Variants in NOX4 observed in about 807,000 individuals in gnomAD.
NOX4 encodes the protein kidney oxidase-1.
NOX4 carries 69 observed loss-of-function variants against 87.6 expected under a neutral mutation model. The observed-to-expected ratio is 0.79, with a 90% CI of 0.65 to 0.96. The LOEUF is 0.96. Among genes scored for constraint, NOX4 ranks in the 40% least tolerant of loss-of-function variants. The pLI, the probability that NOX4 is intolerant of heterozygous loss-of-function variation, is 0.00. For synonymous variants in NOX4, 275 were observed against 238.2 expected, an observed-to-expected ratio of 1.15 and a Z score of -1.42; for missense variants, 680 against 681.5, an observed-to-expected ratio of 1.00 and a Z score of 0.02.
At chr11:89,494,097 A>G (rs1364664952), upstream of NOX4, among the ~76,000 whole-genome samples, 1 of 152,138 alleles carries the variant, frequency 6.6e-6, no homozygotes, top group African/African-American at 2.4e-5. Context: ...TTCCCAAACT[A>G]GGAAAGGCCA....
chr11:89,458,876 C>T (rs1261144646), intron 2 of NOX4, among the ~76,000 whole-genome samples: 2 of 152,000 alleles, frequency 1.3e-5, no homozygotes, highest in African/African-American at 2.4e-5. Flanking sequence ...TTAGATCAGC[C>T]CCTGTGGAAA....
At chr11:89,466,164 C>T (rs1272468832) in intron 2 of NOX4, among the ~76,000 whole-genome samples, 1 of 152,136 alleles carries the variant, frequency 6.6e-6, no homozygotes, top group Non-Finnish European at 1.5e-5. Context: ...GTTGTTTAAG[C>T]TGCCTAGTCT....
At chr11:89,425,625 A>G (rs556597747) in intron 7 of NOX4, among the ~76,000 whole-genome samples, 3 of 152,068 alleles carry the variant, frequency 2.0e-5, no homozygotes, top group Admixed American at 2.0e-4. Flanking sequence ...GGTAAAATAC[A>G]TATGTATATA....
At chr11:89,571,574 C>T in the NOX4 span, among the ~76,000 whole-genome samples, 2 of 151,968 alleles carry the variant, frequency 1.3e-5, no homozygotes, top group Non-Finnish European at 2.9e-5. Flanking sequence ...GGATTACAGG[C>T]GTGAGCTACC....
At chr11:89,431,245 C>A (rs1430783343) in intron 7 of NOX4, among the ~76,000 whole-genome samples, 14 of 151,966 alleles carry the variant, frequency 9.2e-5, no homozygotes, top group South Asian at 2.1e-4. Context: ...CTAAAACCAT[C>A]AAAACCCTAG....
intron 8 of NOX4, among the ~76,000 whole-genome samples, chr11:89,404,309 T>A (rs1025006270): frequency 2.6e-5 from 4 of 152,150 alleles, no homozygotes; most frequent in African/African-American, 9.7e-5. Flanking sequence ...CCCCAAGCAT[T>A]TATTCTACTG....
chr11:89,366,404 A>G (rs1167332462), intron 12 of NOX4, among the ~76,000 whole-genome samples: 7 of 152,198 alleles, frequency 4.6e-5, no homozygotes, highest in African/African-American at 1.7e-4. Context: ...TTGGCCAGGC[A>G]CAGTAGATCA....
At chr11:89,429,386 A>AT (rs557321199) in intron 7 of NOX4, among the ~76,000 whole-genome samples, 189 of 152,310 alleles carry the variant, frequency 1.2e-3, no homozygotes, top group South Asian at 9.1e-3. Flanking sequence ...AGACAGAGAC[A>AT]CAAAAAACCC....
At chr11:89,466,539 A>G (rs1183632928) in intron 2 of NOX4, among the ~76,000 whole-genome samples, 3 of 152,330 alleles carry the variant, frequency 2.0e-5, no homozygotes, top group African/African-American at 7.2e-5. Context: ...TGTACTTTTA[A>G]AGTAAGTGCT....
chr11:89,449,265 T>G (rs1301632789), intron 4 of NOX4, among the ~76,000 whole-genome samples, 175 bp downstream of exon 4: 3 of 152,198 alleles, frequency 2.0e-5, no homozygotes, highest in Non-Finnish European at 4.4e-5. Flanking sequence ...TGTTCACCAT[T>G]AATGACATTA....
chr11:89,490,499 T>C lies in NOX4; in HGVS notation c.112A>G (p.Asn38Asp). ...AGGTAGTGATACTCTGGCCCTTGGT[T>C]ATACAGCAAGAAGGTTTTCCAGAAA... ...LLFWKTFLLY[N>D]QGPEYHYLHQ... The change falls in exon 2 of 18, where the codon AAC (asparagine) becomes GAC (aspartate). Residue 38 changes from asparagine to aspartate, a missense_variant. Asn to Asp is a conservative substitution (Grantham distance 23). Transcript: ENST00000263317. The C allele has an allele frequency of 1.2e-6, 2 of 1,614,040 alleles. No homozygotes were observed. The highest frequency in any genetic ancestry group is 1.7e-6 in the Non-Finnish European group (2 of 1,179,926).
Position 89,343,092 on chromosome 11 carries a change from C to T in NOX4, c.1218-899G>A, listed in dbSNP as rs187347207. 6.6e-5 allele frequency among the ~76,000 whole-genome samples: 10 copies of T among 152,216 alleles called. No individual in the cohort carries two copies. In the East Asian group the frequency reaches 1.9e-3, roughly 29 times the overall value. On this transcript the variant is annotated intron_variant, in intron 13 of 17. Transcript: ENST00000263317. Reference sequence around the variant, plus strand: ...CCACACACACACCCTCCCCACTCCCCACAAAGCTACTCTTTGGTGTTTTGA... The same window carrying T: ...CCACACACACACCCTCCCCACTCCCTACAAAGCTACTCTTTGGTGTTTTGA...
At chr11:89,432,488 G>A (rs73535406) in intron 7 of NOX4, among the ~76,000 whole-genome samples, 2,963 of 151,918 alleles carry the variant, frequency 0.02, 109 homozygotes, top group African/African-American at 0.067. Flanking sequence ...TTTCAATCCC[G>A]TGTCCCATAG....
chr11:89,449,559 G>A (rs1591285943), intron 3 of NOX4, 35 bp from the exon 4 acceptor site: 1 of 1,513,000 alleles, frequency 6.6e-7, no homozygotes, highest in East Asian at 2.3e-5. Context: ...TAAAAATAAT[G>A]CAACAAATGT....
At position 89,439,037 on chromosome 11, in the gene NOX4, GTAACAATACTAA is replaced by G. The variant is rs1254093974; in HGVS notation, c.475+1639_475+1650del. Among the ~76,000 whole-genome samples, 110 of 121,000 alleles carry G rather than the reference GTAACAATACTAA, an allele frequency of 9.1e-4. 1 individual carries two copies. The highest frequency in any genetic ancestry group is 2.9e-3 in the African/African-American group (97 of 32,924). 79.4% of individuals were successfully genotyped at this position (121,000 alleles called of 152,430 possible). A position where few individuals can be genotyped will look rare whatever the true frequency, so the allele number is the denominator to read the frequency against. ...TAGTATAATCATAATAGTGCTAATAGTAACAATACTAATAATAATACTACTAATAGTATAATA... is the reference window on the plus strand; with the variant it reads ...TAGTATAATCATAATAGTGCTAATAGTAATAATACTACTAATAGTATAATA... On this transcript the variant is annotated intron_variant, in intron 6 of 17. Transcript: ENST00000263317.
At chr11:89,575,382 C>G in the NOX4 span, among the ~76,000 whole-genome samples, 30 of 152,062 alleles carry the variant, frequency 2.0e-4, no homozygotes, top group Non-Finnish European at 3.7e-4. Flanking sequence ...TTATAAGAAA[C>G]AGCCTACAGA....
At chr11:89,378,956 A>G (rs1313931980) in intron 11 of NOX4, among the ~76,000 whole-genome samples, 1 of 152,220 alleles carries the variant, frequency 6.6e-6, no homozygotes, top group Non-Finnish European at 1.5e-5. Context: ...TATGAAAGAA[A>G]AAAGTGTTTA....
At position 89,432,781 on chromosome 11, in the gene NOX4, T is replaced by TA; in HGVS notation, c.548+2dup. 1 of 1,597,858 alleles carries TA rather than the reference T, an allele frequency of 6.3e-7. No individual in the cohort carries two copies. The highest frequency in any genetic ancestry group is 2.2e-5 in the East Asian group (1 of 44,500). On this transcript the variant is annotated splice_region_variant and intron_variant, in intron 7 of 17. Coordinates refer to ENST00000263317, the MANE Select transcript of NOX4 (RefSeq NM_016931.5). ...CATCAAAATAATTGATTCTGACACT[T>TA]ACCTTATTGCATATGTAGAGGCTGT...
intron 17 of NOX4, 114 bp from the exon 18 acceptor site, chr11:89,326,990 T>G (rs2135354201): frequency 1.0e-6 from 1 of 967,468 alleles, no homozygotes; most frequent in African/African-American, 1.7e-5. Context: ...TTCTTGCTAT[T>G]TTACATATTG....
Sources: gnomAD v4.1 joint callset for allele counts (sites outside exome capture counted in the v4.1 genomes callset) on GRCh38, gnomAD v4.1.1 for gene constraint, MANE v1.5 for transcripts, NCBI Gene and HGNC (gene_info 2026-07-23, HGNC 2026-07-21) for gene names.